CENPH: variants seen among roughly 807,000 people sequenced by gnomAD.
CENPH encodes the protein CENP-H.
A neutral mutation model predicts 42.9 loss-of-function variants in CENPH; 40 were observed. The observed-to-expected ratio is 0.93, with a 90% CI of 0.72 to 1.21. The LOEUF is 1.21. Ranked by LOEUF, CENPH falls within the 50% of genes most tolerant of loss-of-function variation. The probability of loss-of-function intolerance (pLI) is 0.00; values close to 1 mark genes in which losing one functional copy is unlikely to be tolerated. For synonymous variants in CENPH, 88 were observed against 96.5 expected, an observed-to-expected ratio of 0.91 and a Z score of 0.52; for missense variants, 302 against 292.9, an observed-to-expected ratio of 1.03 and a Z score of -0.23.
chr5:69,190,381 A>G (rs1747848187), intron 1 of CENPH, among the ~76,000 whole-genome samples: 1 of 152,222 alleles, frequency 6.6e-6, no homozygotes. Context: ...AAAATATTTC[A>G]TAACACGTGA....
intron 1 of CENPH, among the ~76,000 whole-genome samples, chr5:69,190,033 TCTC>T (rs1297357452): frequency 1.3e-5 from 2 of 152,138 alleles, no homozygotes; most frequent in Non-Finnish European, 1.5e-5. Flanking sequence ...AGCTGTAATT[TCTC>T]CTCCTGTTTC....
chr5:69,194,731 A>C, intron 3 of CENPH, 36 bp downstream of exon 3: 1 of 1,279,356 alleles, frequency 7.8e-7, no homozygotes, highest in South Asian at 1.3e-5. Context: ...TATGGTCTTT[A>C]CTAAGATTTA....
At chr5:69,202,670 A>T in intron 6 of CENPH, 101 bp downstream of exon 6, 1 of 766,478 alleles carries the variant, frequency 1.3e-6, no homozygotes, top group Non-Finnish European at 2.2e-6. Flanking sequence ...GTCCAAAGGG[A>T]ATGCTATGAT....
chr5:69,205,901 G>A (rs759264246), intron 7 of CENPH, among the ~76,000 whole-genome samples: 2 of 150,544 alleles, frequency 1.3e-5, no homozygotes, highest in Middle Eastern at 3.4e-3. Flanking sequence ...AGTAGAGACC[G>A]GATTTCACCA....
At chr5:69,198,066 G>A (rs1438104170) in intron 5 of CENPH, among the ~76,000 whole-genome samples, 1 of 150,974 alleles carries the variant, frequency 6.6e-6, no homozygotes, top group Non-Finnish European at 1.5e-5. Context: ...GACTACAGGC[G>A]CCCACCACCA....
rs2112078031 is a variant in CENPH, at chr5:69,190,080, A to G, written c.134+312A>G. Among the ~76,000 whole-genome samples, 2 of 152,260 alleles carry G rather than the reference A, an allele frequency of 1.3e-5. 1 individual carries two copies. The highest frequency in any genetic ancestry group is 4.8e-5 in the African/African-American group (2 of 41,548). ...CCCCCTACCTCTCTGGTTTACAGAC[A>G]AATTGAATGCCAGAGCTAAACTGGA... On this transcript the variant is annotated intron_variant, in intron 1 of 8. Coordinates refer to ENST00000283006, the MANE Select transcript of CENPH (RefSeq NM_022909.4).
rs1374584210 is a variant in CENPH, at chr5:69,202,929, A to G, written c.446A>G (p.Asp149Gly). 9 of 1,582,858 alleles carry G rather than the reference A, an allele frequency of 5.7e-6. No homozygotes were observed. The highest frequency in any genetic ancestry group is 1.8e-5 in the Admixed American group (1 of 57,138). Reference sequence around the variant, plus strand: ...TATTTTTAATAACAGGAATCTTGGGATTTAGAGGAAAAACTGCTTGATATT... The same window carrying G: ...TATTTTTAATAACAGGAATCTTGGGGTTTAGAGGAAAAACTGCTTGATATT... ...LIMKSQQESW[D>G]LEEKLLDIRK... Residue 149 changes from aspartate to glycine, a missense_variant, in exon 7 of 9, where the codon GAT becomes GGT. Transcript: ENST00000283006.
chr5:69,192,162 T>C (rs1747883348), intron 2 of CENPH, among the ~76,000 whole-genome samples: 1 of 152,214 alleles, frequency 6.6e-6, no homozygotes, highest in Non-Finnish European at 1.5e-5. Context: ...AAATTAACTT[T>C]ACCAAAAATT....
At chr5:69,194,140 A>C (rs1747924828) in intron 2 of CENPH, among the ~76,000 whole-genome samples, 1 of 151,220 alleles carries the variant, frequency 6.6e-6, no homozygotes. Flanking sequence ...TCCCTACACA[A>C]GTGCCACATT....
At chr5:69,208,459 A>C in intron 8 of CENPH, 100 bp downstream of exon 8, 3 of 687,740 alleles carry the variant, frequency 4.4e-6, no homozygotes, top group Non-Finnish European at 7.3e-6. Context: ...TCCTGGTTCA[A>C]GCAATTCTCC....
intron 4 of CENPH, 103 bp downstream of exon 4, chr5:69,195,894 G>GAGT: frequency 3.1e-6 from 2 of 653,204 alleles, no homozygotes; most frequent in South Asian, 3.5e-5. Context: ...AATTAGTCAA[G>GAGT]CACAGTGATG....
chr5:69,191,752 A>G (rs1430095766), intron 1 of CENPH, 43 bp from the exon 2 acceptor site: 1 of 1,211,440 alleles, frequency 8.3e-7, no homozygotes, highest in East Asian at 2.3e-5. Context: ...TAAAACCTTA[A>G]TCAATAAATA....
intron 8 of CENPH, among the ~76,000 whole-genome samples, chr5:69,208,803 T>A (rs544905622): frequency 6.6e-6 from 1 of 151,854 alleles, no homozygotes; most frequent in South Asian, 2.1e-4. Context: ...TTGATTTTTC[T>A]TTTTTCTTTT....
chr5:69,200,162 T>C (rs918318089), intron 5 of CENPH, among the ~76,000 whole-genome samples: 1 of 151,064 alleles, frequency 6.6e-6, no homozygotes, highest in East Asian at 1.9e-4. Context: ...TGAGGCAGTG[T>C]TTTATTAGCA....
chr5:69,195,270 T>C (rs1747946433), intron 3 of CENPH, among the ~76,000 whole-genome samples: 1 of 152,152 alleles, frequency 6.6e-6, no homozygotes, highest in Non-Finnish European at 1.5e-5. Flanking sequence ...CTCATTTTGT[T>C]GCCCAGGCTG....
chr5:69,195,223 G>A (rs899811688), intron 3 of CENPH, among the ~76,000 whole-genome samples: 8 of 151,924 alleles, frequency 5.3e-5, no homozygotes, highest in African/African-American at 9.7e-5. Context: ...GCGAAACTCC[G>A]CCTCAAAAAT....
chr5:69,208,371 A>G lies in CENPH; in HGVS notation c.651+12A>G, dbSNP rs936376522. On this transcript the variant is annotated intron_variant, in intron 8 of 8. Transcript: ENST00000283006. ...AACATGTGTTCCAGGTAACATTTAT[A>G]TAAACTAGCAAGAGTTTTAATCTTG... The G allele has an allele frequency of 3.2e-6, 5 of 1,539,584 alleles. No homozygotes were observed. Among genetic ancestry groups the G allele is most frequent in the African/African-American group, 2.7e-5 (2 of 72,728 alleles).
intron 4 of CENPH, among the ~76,000 whole-genome samples, chr5:69,196,532 CT>C (rs1309449643): frequency 6.6e-6 from 1 of 152,092 alleles, no homozygotes; most frequent in African/African-American, 2.4e-5. Context: ...GTAATCCCAG[CT>C]ACTAGGGAGG....
intron 7 of CENPH, among the ~76,000 whole-genome samples, chr5:69,204,061 A>AG (rs547233348): frequency 7.7e-5 from 5 of 65,274 alleles, no homozygotes; most frequent in African/African-American, 2.4e-4. Context: ...TTATATATAT[A>AG]AATATATATA....
Sources: allele counts gnomAD v4.1 joint callset (sites outside exome capture counted in the v4.1 genomes callset), GRCh38; gene constraint gnomAD v4.1.1; transcripts MANE v1.5; gene names NCBI Gene and HGNC (gene_info 2026-07-23, HGNC 2026-07-21).